The following LRPPRC variants were observed in gnomAD, a reference collection of about 807,000 sequenced individuals.
The protein encoded by LRPPRC is leucine-rich PPR motif-containing protein, mitochondrial.
Under a neutral mutation model 180.3 loss-of-function variants are expected in LRPPRC, and 120 were observed. That is an observed-to-expected ratio of 0.67 (90% CI 0.57 to 0.77). The LOEUF is 0.77. Ranked by LOEUF, LRPPRC falls within the 30% of genes least tolerant of loss-of-function variation. The pLI is 0.00. For synonymous variants in LRPPRC, 723 were observed against 600.0 expected (o/e 1.21, Z -3.00); for missense variants, 2,012 against 1,657.2 (o/e 1.21, Z -3.72).
intron 23 of LRPPRC, 106 bp from the exon 24 acceptor site, chr2:43,934,984 T>G: frequency 1.2e-6 from 1 of 836,578 alleles, no homozygotes; most frequent in East Asian, 2.6e-5. Flanking sequence ...TGTAAACAAC[T>G]GAGCTTTACT....
At chr2:43,904,646 T>C (rs1183323168) in intron 31 of LRPPRC, 1 of 139,876 alleles carries the variant, frequency 7.1e-6, no homozygotes, top group Non-Finnish European at 1.5e-5. Context: ...TGAGCCGCGA[T>C]CCCACCACTG....
chr2:43,958,255 G>A (rs930105258), intron 13 of LRPPRC, among the ~76,000 whole-genome samples: 9 of 152,142 alleles, frequency 5.9e-5, no homozygotes, highest in African/African-American at 2.2e-4. Flanking sequence ...AAGTAATAGA[G>A]TTAATCTTTT....
chr2:43,932,293 A>G (rs1489452242), intron 25 of LRPPRC, among the ~76,000 whole-genome samples: 2 of 152,104 alleles, frequency 1.3e-5, no homozygotes, highest in Non-Finnish European at 2.9e-5. Flanking sequence ...TGAGCTTATG[A>G]CTGGTTTATC....
At chr2:43,961,246 T>C (rs1007849417) in intron 12 of LRPPRC, among the ~76,000 whole-genome samples, 6 of 152,150 alleles carry the variant, frequency 3.9e-5, no homozygotes, top group African/African-American at 1.4e-4. Context: ...AAGTTCATCA[T>C]GAAACAAATA....
intron 37 of LRPPRC, 75 bp from the exon 38 acceptor site, chr2:43,888,731 A>T: frequency 1.2e-6 from 1 of 807,962 alleles, no homozygotes; most frequent in Non-Finnish European, 2.2e-6. Flanking sequence ...AAAATCATAA[A>T]ACACTACCAA....
At position 43,896,679 on chromosome 2, in the gene LRPPRC, CGG is replaced by C; in HGVS notation, c.3853_3854del (p.Pro1285AspfsTer8). The C allele has an allele frequency of 6.2e-7, 1 of 1,612,538 alleles. No homozygotes were observed. The highest frequency in any genetic ancestry group is 8.5e-7 in the Non-Finnish European group (1 of 1,178,752). ...QRCGAIAEQTPILLLFLLRNS... is the reference protein window; with the variant it reads ...QRCGAIAEQTXILLLFLLRNS... ...TCCTAAGGAGGAACAACAACAAAAT[CGG>C]GGTTTGTTCAGCAATTGCACCACAT... is the stretch of plus-strand genomic sequence containing the variant. On this transcript the variant is annotated frameshift_variant, in exon 35 of 38. Transcript: ENST00000260665. LOFTEE classifies it high-confidence loss of function.
chr2:43,966,745 AATAAAAATAAAAAAAT>A (rs1336914059), intron 11 of LRPPRC, among the ~76,000 whole-genome samples: 1 of 144,288 alleles, frequency 6.9e-6, no homozygotes, highest in Non-Finnish European at 1.5e-5. Flanking sequence ...GCTAAAAAAA[AATAAAAATAAAAAAAT>A]AAATAAAAGC....
chr2:43,990,653 G>A (rs1674734215), intron 1 of LRPPRC, among the ~76,000 whole-genome samples: 1 of 152,030 alleles, frequency 6.6e-6, no homozygotes, highest in Admixed American at 6.6e-5. Flanking sequence ...AAAACTCAAT[G>A]TCCCCCTGCC....
rs1260049443 is a variant in LRPPRC, at chr2:43,925,741, AT to A, written c.2805+151del. 5.7e-6 allele frequency: 4 copies of A among 696,820 alleles called. No individual in the cohort carries two copies. In the Admixed American group the frequency reaches 8.2e-5, roughly 14 times the overall value. The allele number at this position is 696,820 out of a possible 1,614,324, so 43.2% of individuals were successfully genotyped here. A position where few individuals can be genotyped will look rare whatever the true frequency, so the allele number is the denominator to read the frequency against. On this transcript the variant is annotated intron_variant, in intron 26 of 37. Coordinates refer to ENST00000260665, the MANE Select transcript of LRPPRC (RefSeq NM_133259.4). ...TTCTACTGCACCTCAGGAATAAGAAATAAGCCATTGCTTATCTGGCAAATGA... is the reference window on the plus strand; with the variant it reads ...TTCTACTGCACCTCAGGAATAAGAAAAAGCCATTGCTTATCTGGCAAATGA...
intron 23 of LRPPRC, among the ~76,000 whole-genome samples, chr2:43,937,099 A>G (rs1051960226): frequency 6.6e-6 from 1 of 152,298 alleles, no homozygotes; most frequent in Non-Finnish European, 1.5e-5. Flanking sequence ...ATTAGGTCAA[A>G]GCTATCAATA....
chr2:43,985,475 C>G (rs927304269), intron 1 of LRPPRC, among the ~76,000 whole-genome samples: 7 of 152,170 alleles, frequency 4.6e-5, no homozygotes, highest in African/African-American at 1.7e-4. Context: ...ATGCCCCATG[C>G]TCTATCTCCT....
intron 29 of LRPPRC, among the ~76,000 whole-genome samples, chr2:43,917,468 T>C (rs1671513917): frequency 6.6e-6 from 1 of 152,040 alleles, no homozygotes; most frequent in Non-Finnish European, 1.5e-5. Context: ...AAGTAAATCA[T>C]AATACCATTA....
rs536783844 is a variant in LRPPRC, at chr2:43,989,398, A to G, written c.149+6401T>C. Among the ~76,000 whole-genome samples, 7 of 152,292 alleles carry G rather than the reference A, an allele frequency of 4.6e-5. No individual in the cohort carries two copies. The East Asian group carries it at 1.3e-3, about 29-fold the overall frequency. On this transcript the variant is annotated intron_variant, in intron 1 of 37. Coordinates refer to ENST00000260665, the MANE Select transcript of LRPPRC (RefSeq NM_133259.4). Reference sequence around the variant, plus strand: ...TCCCTTCCATCTCCCAGGATCCTCCAGTCAAATGGGATGTCTCCTGTGTCT... The same window carrying G: ...TCCCTTCCATCTCCCAGGATCCTCCGGTCAAATGGGATGTCTCCTGTGTCT...
chr2:43,969,390 A>C (rs1405704064), intron 11 of LRPPRC, among the ~76,000 whole-genome samples: 2 of 150,628 alleles, frequency 1.3e-5, no homozygotes, highest in Non-Finnish European at 2.9e-5. Flanking sequence ...AGCCTGGGCG[A>C]CAGAGCGAGA....
At chr2:43,978,850 T>C (rs1423121856) in intron 3 of LRPPRC, among the ~76,000 whole-genome samples, 1 of 152,088 alleles carries the variant, frequency 6.6e-6, no homozygotes, top group Admixed American at 6.5e-5. Context: ...CTCTATTTTC[T>C]TTTATAACTA....
intron 1 of LRPPRC, among the ~76,000 whole-genome samples, chr2:43,988,233 T>A (rs1255141063): frequency 2.2e-4 from 18 of 81,654 alleles, no homozygotes; most frequent in African/African-American, 9.5e-4. Flanking sequence ...AGAGACTCTG[T>A]CTCAAAAAAA....
At chr2:43,983,002 T>C (rs1019548835) in intron 1 of LRPPRC, among the ~76,000 whole-genome samples, 3 of 152,102 alleles carry the variant, frequency 2.0e-5, no homozygotes, top group Admixed American at 6.6e-5. Flanking sequence ...AAACACTTAA[T>C]AGTGATAAGG....
chr2:43,982,231 G>GAAATACCTGTTC lies in LRPPRC; in HGVS notation c.346+6_346+7insGAACAGGTATTT. 6.5e-7 allele frequency: 1 copy of GAAATACCTGTTC among 1,549,136 alleles called. No homozygotes were observed. ...GTCAACTTTATGAACAGGAAATTTT[G>GAAATACCTGTTC]AAATACCTGAGCGGCAGGTATCATT... On this transcript the variant is annotated splice_region_variant and intron_variant, in intron 2 of 37. Transcript: ENST00000260665.
intron 11 of LRPPRC, among the ~76,000 whole-genome samples, chr2:43,972,686 G>T (rs1673871541): frequency 6.6e-6 from 1 of 152,138 alleles, no homozygotes; most frequent in African/African-American, 2.4e-5. Flanking sequence ...AACAATTAGG[G>T]AATACTTGTT....
Sources: gnomAD v4.1 joint callset for allele counts (sites outside exome capture counted in the v4.1 genomes callset) on GRCh38, gnomAD v4.1.1 for gene constraint, MANE v1.5 for transcripts, NCBI Gene and HGNC (gene_info 2026-07-23, HGNC 2026-07-21) for gene names.